DOCK1: variants seen among roughly 807,000 people sequenced by gnomAD.
DOCK1 encodes the protein dedicator of cytokinesis protein 1.
In DOCK1, 138 loss-of-function variants were observed where a neutral mutation model predicts 262.7. The observed-to-expected ratio is 0.53, with a 90% CI of 0.46 to 0.61. The LOEUF (loss-of-function observed/expected upper bound fraction) is 0.61. Among genes scored for constraint, DOCK1 ranks in the 20% least tolerant of loss-of-function variants. The pLI is 0.00. For missense variants in DOCK1, 1,908 were observed against 2,370.7 expected (o/e 0.80, Z 4.05); for synonymous variants, 866 against 867.4 (o/e 1.00, Z 0.03).
chr10:126,987,693 G>GTT, intron 5 of DOCK1, 76 bp downstream of exon 5: 4 of 1,250,914 alleles, frequency 3.2e-6, no homozygotes, highest in Non-Finnish European at 4.4e-6. Flanking sequence ...CCAATGGGAT[G>GTT]TTTTTTTTTC....
At chr10:127,106,538 C>G (rs1340498437) in intron 24 of DOCK1, among the ~76,000 whole-genome samples, 2 of 152,144 alleles carry the variant, frequency 1.3e-5, no homozygotes, top group Non-Finnish European at 2.9e-5. Flanking sequence ...TGTTTACAGT[C>G]TAATTGGTAT....
At chr10:127,160,878 G>A (rs11016546) in intron 27 of DOCK1, among the ~76,000 whole-genome samples, 517 of 152,290 alleles carry the variant, frequency 3.4e-3, no homozygotes, top group African/African-American at 7.5e-3. Context: ...CCAGGTTTGT[G>A]CACTAGCTGT....
intron 48 of DOCK1, among the ~76,000 whole-genome samples, chr10:127,434,828 A>G (rs1357446666): frequency 1.3e-5 from 2 of 152,020 alleles, no homozygotes; most frequent in East Asian, 3.9e-4. Flanking sequence ...AATTCTTTGT[A>G]TATTTAGTAG....
At chr10:127,215,862 C>T (rs539552890) in intron 27 of DOCK1, among the ~76,000 whole-genome samples, 144 of 142,970 alleles carry the variant, frequency 1.0e-3, no homozygotes, top group Non-Finnish European at 1.8e-3. Flanking sequence ...AAAGCAAAAA[C>T]ATCAAAATAA....
intron 1 of DOCK1, among the ~76,000 whole-genome samples, chr10:126,916,518 G>A (rs1364559598): frequency 2.0e-5 from 3 of 152,180 alleles, no homozygotes; most frequent in African/African-American, 7.2e-5. Context: ...TATGTATAGA[G>A]ACGAATGGTG....
rs371842832 is a variant in DOCK1, at chr10:127,088,932, T to C, written c.2446-17299T>C. Reference sequence around the variant, plus strand: ...ATACGGCCCCACCGCTGCAGAGAAATGCCCCCAGCCTCCCTACTTAGTGCA... The same window carrying C: ...ATACGGCCCCACCGCTGCAGAGAAACGCCCCCAGCCTCCCTACTTAGTGCA... On this transcript the variant is annotated intron_variant, in intron 23 of 51. Coordinates refer to ENST00000623213, the MANE Select transcript of DOCK1 (RefSeq NM_001290223.2). 1.5e-4 allele frequency among the ~76,000 whole-genome samples: 23 copies of C among 152,126 alleles called. No homozygotes were observed. The East Asian group carries it at 2.7e-3, about 18-fold the overall frequency.
intron 29 of DOCK1, among the ~76,000 whole-genome samples, chr10:127,323,071 G>A (rs942894030): frequency 2.0e-5 from 3 of 149,718 alleles, no homozygotes; most frequent in South Asian, 2.1e-4. Context: ...CGATCAATGC[G>A]AGCTCCCTTC....
chr10:127,355,955 T>C (rs1320850623), intron 32 of DOCK1, among the ~76,000 whole-genome samples: 1 of 152,224 alleles, frequency 6.6e-6, no homozygotes, highest in Non-Finnish European at 1.5e-5. Context: ...TGGGTGGGGA[T>C]GAAGAGCGGG....
In DOCK1 at chr10:126,927,387, C is replaced by A. The variant is rs182090591; in HGVS notation, c.46+21824C>A. Among the ~76,000 whole-genome samples the A allele has an allele frequency of 2.0e-5, 3 of 152,172 alleles. No individual in the cohort carries two copies. In the East Asian group the frequency reaches 5.8e-4, roughly 29 times the overall value. ...AGCAGTGAACTTTGGAGTTAGAGGC[C>A]GAGCTGATGATCTCTTCCTTTCTTT... is the stretch of plus-strand genomic sequence containing the variant. On this transcript the variant is annotated intron_variant, in intron 1 of 51. Transcript: ENST00000623213.
In DOCK1 at chr10:127,426,003, C is replaced by T. The variant is rs1354875886; in HGVS notation, c.4906C>T (p.Arg1636Ter). The T allele has an allele frequency of 1.2e-6, 2 of 1,613,682 alleles. No homozygotes were observed. The highest frequency in any genetic ancestry group is 1.3e-5 in the African/African-American group (1 of 74,852). The change falls in exon 47 of 52, where the codon CGA becomes TGA. Residue 1636 changes from arginine (R) to a stop codon, truncating the protein, a stop_gained. Transcript: ENST00000623213. LOFTEE classifies it high-confidence loss of function. ...AAAGGTGGAGAAAGAGTACGGCGTC[C>T]GAATCATGGTAAGAGGGTAGTATGC... ...KEKVEKEYGV[R>*]IMPSSLDDRR...
intron 4 of DOCK1, among the ~76,000 whole-genome samples, chr10:126,983,505 T>C (rs2039129365): frequency 6.6e-6 from 1 of 152,200 alleles, no homozygotes; most frequent in African/African-American, 2.4e-5. Flanking sequence ...TGTCTCTTGC[T>C]GGTCTCTTGC....
At chr10:126,942,601 C>T (rs1231699763) in intron 1 of DOCK1, among the ~76,000 whole-genome samples, 2 of 151,884 alleles carry the variant, frequency 1.3e-5, no homozygotes, top group African/African-American at 4.8e-5. Flanking sequence ...GAGCCAGCCC[C>T]GAGGGAGCCG....
At chr10:127,438,316 T>G (rs2134706632) in intron 48 of DOCK1, among the ~76,000 whole-genome samples, 1 of 152,350 alleles carries the variant, frequency 6.6e-6, no homozygotes, top group African/African-American at 2.4e-5. Flanking sequence ...ATTCATTTAC[T>G]CCATGGTATA....
intron 7 of DOCK1, among the ~76,000 whole-genome samples, chr10:126,997,607 C>T (rs2135112480): frequency 6.6e-6 from 1 of 152,132 alleles, no homozygotes; most frequent in South Asian, 2.1e-4. Flanking sequence ...AAAATCCACC[C>T]CATGATCCAG....
At chr10:126,933,644 C>T (rs1022139886) in intron 1 of DOCK1, among the ~76,000 whole-genome samples, 48 of 152,110 alleles carry the variant, frequency 3.2e-4, no homozygotes, top group Admixed American at 9.8e-4. Context: ...GGAGGACATA[C>T]ATGCAGGGCA....
chr10:127,071,036 A>G (rs1190476639), intron 23 of DOCK1, among the ~76,000 whole-genome samples: 3 of 152,122 alleles, frequency 2.0e-5, no homozygotes, highest in Non-Finnish European at 2.9e-5. Context: ...TTTGCCCTAC[A>G]CACAGATGAT....
chr10:127,042,346 C>T (rs970143722), intron 19 of DOCK1, among the ~76,000 whole-genome samples: 3 of 152,178 alleles, frequency 2.0e-5, no homozygotes, highest in Non-Finnish European at 2.9e-5. Flanking sequence ...CTTATGAAAA[C>T]CGGAAAGAGG....
At chr10:127,155,313 T>A (rs929566092) in intron 27 of DOCK1, among the ~76,000 whole-genome samples, 2 of 152,248 alleles carry the variant, frequency 1.3e-5, no homozygotes, top group Non-Finnish European at 2.9e-5. Context: ...ATTGTCTCAG[T>A]GGGCTTGCAA....
chr10:127,203,045 G>T (rs1419303597), intron 27 of DOCK1, among the ~76,000 whole-genome samples: 1 of 152,160 alleles, frequency 6.6e-6, no homozygotes, highest in East Asian at 1.9e-4. Context: ...ATAAAAACAG[G>T]CACTGAAACA....
Sources: gnomAD v4.1 joint callset for allele counts (sites outside exome capture counted in the v4.1 genomes callset) on GRCh38, gnomAD v4.1.1 for gene constraint, MANE v1.5 for transcripts, NCBI Gene and HGNC (gene_info 2026-07-23, HGNC 2026-07-21) for gene names.